DNAJA1: variants seen among roughly 807,000 people sequenced by gnomAD.
DNAJA1 encodes the protein DnaJ heat shock protein family (Hsp40) member A1.
DNAJA1 carries 26 observed loss-of-function variants against 47.6 expected under a neutral mutation model. That is an observed-to-expected ratio of 0.55 (90% CI 0.40 to 0.76). DNAJA1 has a LOEUF of 0.76. Among genes scored for constraint, DNAJA1 ranks in the 30% least tolerant of loss-of-function variants. The probability of loss-of-function intolerance (pLI) is 0.00; values close to 1 mark genes in which losing one functional copy is unlikely to be tolerated. For synonymous variants in DNAJA1, 165 were observed against 158.4 expected (o/e 1.04, Z -0.31); for missense variants, 315 against 485.0 (o/e 0.65, Z 3.29).
At chr9:33,035,658 C>T (rs537095306) in intron 6 of DNAJA1, among the ~76,000 whole-genome samples, 5 of 151,612 alleles carry the variant, frequency 3.3e-5, no homozygotes, top group Admixed American at 2.0e-4. Context: ...TTAGTAGAGA[C>T]GGGTTTCACC....
chr9:33,037,677 G>A (rs1013549970), intron 8 of DNAJA1, among the ~76,000 whole-genome samples: 1 of 152,034 alleles, frequency 6.6e-6, no homozygotes, highest in Non-Finnish European at 1.5e-5. Context: ...ATGAGACCCT[G>A]TCTCAAAAAA....
chr9:33,034,094 A>C (rs1839000574), intron 5 of DNAJA1, 122 bp from the exon 6 acceptor site: 2 of 641,882 alleles, frequency 3.1e-6, no homozygotes, highest in Non-Finnish European at 5.1e-6. Flanking sequence ...GAACTACTTA[A>C]GTGGGCTTTC....
chr9:33,028,769 T>C (rs1648208580), intron 3 of DNAJA1, among the ~76,000 whole-genome samples: 2 of 152,216 alleles, frequency 1.3e-5, no homozygotes, highest in Admixed American at 6.5e-5. Context: ...GCTTTATTTT[T>C]CCTTCCTTAT....
In DNAJA1 at chr9:33,030,665, A is replaced by G. The variant is rs747148431; in HGVS notation, c.641A>G (p.Lys214Arg). 2 of 1,609,444 alleles carry G rather than the reference A, an allele frequency of 1.2e-6. No homozygotes were observed. Among genetic ancestry groups the G allele is most frequent in the African/African-American group, 2.7e-5 (2 of 74,882 alleles). Residue 214 changes from lysine (K) to arginine (R), a missense_variant and splice_region_variant, in exon 5 of 9, where the codon AAA (lysine) becomes AGA (arginine). Lys to Arg is a conservative substitution (Grantham distance 26). Around this residue, in one of 4 missense-constraint regions of DNAJA1, gnomAD observed 45 missense variants for 93.3 expected, o/e 0.48. Coordinates refer to ENST00000330899, the MANE Select transcript of DNAJA1 (RefSeq NM_001539.4). ...EKKILEVHIDKGMKDGQKITF... is the reference protein window; with the variant it reads ...EKKILEVHIDRGMKDGQKITF... Reference sequence around the variant, plus strand: ...AAAATTTTAGAAGTTCATATTGACAAAGGTGAGTTCTGAGTTACTTATTCT... The same window carrying G: ...AAAATTTTAGAAGTTCATATTGACAGAGGTGAGTTCTGAGTTACTTATTCT...
rs1046341961 is a variant in DNAJA1, at chr9:33,025,354, T to A, written c.-40T>A. On this transcript the variant is annotated 5_prime_UTR_variant, in exon 1 of 9. Transcript: ENST00000330899. ...CGCACAGCTCGGCGCTCCTTCCCGC[T>A]CCCTCACACACCGGCCTCAGCCCGC... 1.3e-5 allele frequency: 2 copies of A among 152,390 alleles called. No homozygotes were observed. The highest frequency in any genetic ancestry group is 2.9e-5 in the Non-Finnish European group (2 of 68,130). The allele number at this position is 152,390 out of a possible 1,614,324, so 9.4% of individuals were successfully genotyped here.
At chr9:33,029,220 G>A (rs1040004170) in intron 3 of DNAJA1, among the ~76,000 whole-genome samples, 3 of 152,222 alleles carry the variant, frequency 2.0e-5, no homozygotes, top group African/African-American at 7.2e-5. Flanking sequence ...GTGATTGGTG[G>A]CTGCTACGTT....
intron 3 of DNAJA1, among the ~76,000 whole-genome samples, chr9:33,029,592 C>T (rs1169678887): frequency 6.6e-6 from 1 of 152,188 alleles, no homozygotes; most frequent in African/African-American, 2.4e-5. Context: ...ATTGGTTTTT[C>T]TCAAGTGACT....
intron 5 of DNAJA1, among the ~76,000 whole-genome samples, chr9:33,031,416 C>G (rs536563979): frequency 6.6e-6 from 1 of 152,074 alleles, no homozygotes; most frequent in South Asian, 2.1e-4. Context: ...TTTTTTAAAC[C>G]AATGGGCATG....
chr9:33,039,561 A>ATATATATATATATATAT lies in DNAJA1; in HGVS notation c.*658_*659insTATATATATATATATAT, dbSNP rs74178844. ...CATATATATATACATATATATATATAATCTTGACCAGTCCTGGTCATTTGC... is the reference window on the plus strand; with the variant it reads ...CATATATATATACATATATATATATATATATATATATATATATATCTTGACCAGTCCTGGTCATTTGC... On this transcript the variant is annotated 3_prime_UTR_variant, in exon 9 of 9. Transcript: ENST00000330899. 79 of 141,944 alleles carry ATATATATATATATATAT rather than the reference A, an allele frequency of 5.6e-4. No homozygotes were observed. The highest frequency in any genetic ancestry group is 6.8e-4 in the Non-Finnish European group (43 of 62,788). The allele number at this position is 141,944 out of a possible 1,614,324, so 8.8% of individuals were successfully genotyped here. A position where few individuals can be genotyped will look rare whatever the true frequency, so the allele number is the denominator to read the frequency against.
intron 1 of DNAJA1, among the ~76,000 whole-genome samples, chr9:33,025,907 C>T (rs1838824910): frequency 1.3e-5 from 2 of 152,146 alleles, no homozygotes; most frequent in South Asian, 4.1e-4. Flanking sequence ...GCGCCAAGTG[C>T]AAGGGGAAAC....
intron 8 of DNAJA1, among the ~76,000 whole-genome samples, chr9:33,038,184 G>A (rs1356876273): frequency 6.6e-6 from 1 of 151,872 alleles, no homozygotes; most frequent in Non-Finnish European, 1.5e-5. Context: ...AGTAGAGATG[G>A]GGTTTCACCA....
chr9:33,035,482 T>A (rs112359565), intron 6 of DNAJA1, among the ~76,000 whole-genome samples: 2,276 of 152,302 alleles, frequency 0.015, 19 homozygotes, highest in Middle Eastern at 0.017. Context: ...TTATTTATTT[T>A]TTTTGAGATG....
At chr9:33,029,812 C>T (rs1587697341) in intron 3 of DNAJA1, 73 bp from the exon 4 acceptor site, 15 of 1,262,026 alleles carry the variant, frequency 1.2e-5, no homozygotes, top group South Asian at 1.1e-4. Context: ...TTGCCACATT[C>T]TTTATAGTGC....
At chr9:33,036,900 T>TG in intron 7 of DNAJA1, 115 bp from the exon 8 acceptor site, 1 of 974,748 alleles carries the variant, frequency 1.0e-6, no homozygotes, top group Non-Finnish European at 1.5e-6. Flanking sequence ...AGGATTGCTT[T>TG]GCCACGTAAG....
chr9:33,026,634 T>A lies in DNAJA1; in HGVS notation c.132+18T>A, dbSNP rs2119373406. 3 of 1,595,692 alleles carry A rather than the reference T, an allele frequency of 1.9e-6. No individual in the cohort carries two copies. The highest frequency in any genetic ancestry group is 2.6e-6 in the Non-Finnish European group (3 of 1,175,046). On this transcript the variant is annotated intron_variant, in intron 2 of 8. Transcript: ENST00000330899. The stretch of plus-strand genomic sequence containing the variant: ...GAGAGAAGGTGAATAGTATCTACTC[T>A]TAAACGTATCTGAATAGTTCTTTGC...
chr9:33,036,683 C>A lies in DNAJA1; in HGVS notation c.868C>A (p.His290Asn). The A allele has an allele frequency of 1.9e-6, 3 of 1,610,492 alleles. No individual in the cohort carries two copies. Among genetic ancestry groups the A allele is most frequent in the South Asian group, 1.1e-5 (1 of 90,676 alleles). Residue 290 changes from histidine to asparagine, a missense_variant, in exon 7 of 9, where the codon CAT (histidine) becomes AAT (asparagine). Coordinates refer to ENST00000330899, the MANE Select transcript of DNAJA1 (RefSeq NM_001539.4). ...LDNRTIVITS[H>N]PGQIVKHGDI... ...CAACCGAACCATCGTCATCACCTCTCATCCAGGTATGGGAACTAGGCAAGC... is the reference window on the plus strand; with the variant it reads ...CAACCGAACCATCGTCATCACCTCTAATCCAGGTATGGGAACTAGGCAAGC...
At chr9:33,037,163 A>T (rs1839048641) in intron 8 of DNAJA1, 48 bp downstream of exon 8, 2 of 1,551,698 alleles carry the variant, frequency 1.3e-6, no homozygotes, top group African/African-American at 2.7e-5. Context: ...TTGGCTTACT[A>T]AAATCTGATA....
chr9:33,028,656 C>G (rs955167901), intron 3 of DNAJA1, among the ~76,000 whole-genome samples: 2 of 152,094 alleles, frequency 1.3e-5, no homozygotes, highest in African/African-American at 4.8e-5. Context: ...TTTCACTTAC[C>G]TTACAAAGAA....
chr9:33,035,024 A>G (rs1003429019), intron 6 of DNAJA1, among the ~76,000 whole-genome samples: 2 of 146,038 alleles, frequency 1.4e-5, no homozygotes, highest in African/African-American at 2.5e-5. Context: ...CCTGGGTGAC[A>G]GTAAGAACCC....
Sources: allele counts gnomAD v4.1 joint callset (sites outside exome capture counted in the v4.1 genomes callset), GRCh38; gene constraint gnomAD v4.1.1; regional missense constraint gnomAD v4.1.1; transcripts MANE v1.5; gene names NCBI Gene and HGNC (gene_info 2026-07-23, HGNC 2026-07-21).